SPECC1: variants seen among roughly 807,000 people sequenced by gnomAD.
The protein encoded by SPECC1 is sperm antigen with calponin homology and coiled-coil domains 1.
A neutral mutation model predicts 104.1 loss-of-function variants in SPECC1; 62 were observed. That is an observed-to-expected ratio of 0.60 (90% CI 0.49 to 0.74). SPECC1 has a LOEUF of 0.74. Ranked by LOEUF, SPECC1 falls within the 30% of genes least tolerant of loss-of-function variation. The probability of loss-of-function intolerance (pLI) is 0.00; values close to 1 mark genes in which losing one functional copy is unlikely to be tolerated. For missense variants in SPECC1, 1,306 were observed against 1,310.5 expected (o/e 1.00, Z 0.05); for synonymous variants, 513 against 501.6 (o/e 1.02, Z -0.30).
intron 1 of SPECC1, among the ~76,000 whole-genome samples, chr17:20,058,144 C>T (rs968566619): frequency 1.3e-5 from 2 of 152,102 alleles, no homozygotes; most frequent in Non-Finnish European, 2.9e-5. Context: ...CAGAAATGGT[C>T]TTTATCAGCC....
intron 13 of SPECC1, among the ~76,000 whole-genome samples, chr17:20,297,593 T>G (rs2041397933): frequency 1.3e-5 from 2 of 152,222 alleles, no homozygotes; most frequent in South Asian, 4.1e-4. Flanking sequence ...ATAGACTCAG[T>G]GGGTCAGGTG....
intron 3 of SPECC1, among the ~76,000 whole-genome samples, chr17:20,146,083 A>G (rs945057310): frequency 2.0e-5 from 3 of 152,194 alleles, no homozygotes; most frequent in Admixed American, 6.5e-5. Flanking sequence ...GTTATTAACT[A>G]AAGTCCATAG....
chr17:20,125,736 G>A (rs941179865), intron 3 of SPECC1, among the ~76,000 whole-genome samples: 21 of 152,152 alleles, frequency 1.4e-4, no homozygotes, highest in African/African-American at 4.6e-4. Context: ...ATATTCGATC[G>A]TCTGGATAGC....
At chr17:20,247,012 T>C (rs1177788803) in intron 8 of SPECC1, among the ~76,000 whole-genome samples, 1 of 152,216 alleles carries the variant, frequency 6.6e-6, no homozygotes, top group Non-Finnish European at 1.5e-5. Context: ...ATCCTTCATC[T>C]AAGACTGACC....
intron 3 of SPECC1, among the ~76,000 whole-genome samples, chr17:20,197,450 C>T (rs2036110620): frequency 6.6e-6 from 1 of 152,240 alleles, no homozygotes; most frequent in South Asian, 2.1e-4. Flanking sequence ...GGAATCAAAC[C>T]CGAACTGCTA....
chr17:20,061,460 G>A (rs1401658213), intron 1 of SPECC1, among the ~76,000 whole-genome samples: 2 of 152,208 alleles, frequency 1.3e-5, no homozygotes, highest in African/African-American at 4.8e-5. Flanking sequence ...CAGGTTGTAT[G>A]TACATTGGGC....
rs146257103 is a variant in SPECC1 at position 20,285,843 on chromosome 17, C to T, written c.2941-11118C>T. On this transcript the variant is annotated intron_variant, in intron 12 of 14. Transcript: ENST00000395527. The stretch of plus-strand genomic sequence containing the variant: ...CCTTTTTTTTTTTTTGATAGGGTCT[C>T]GCTCTACCACCCAGGTTGGAGTGAA... 3.9e-3 allele frequency among the ~76,000 whole-genome samples: 553 copies of T among 141,934 alleles called. 4 individuals carry two copies. The highest frequency in any genetic ancestry group is 0.014 in the African/African-American group (535 of 37,588). 93.1% of individuals were successfully genotyped at this position (141,934 alleles called of 152,430 possible).
At chr17:20,021,858 A>G (rs1295027296) in intron 1 of SPECC1, among the ~76,000 whole-genome samples, 4 of 146,886 alleles carry the variant, frequency 2.7e-5, no homozygotes, top group Non-Finnish European at 6.0e-5. Context: ...TGATCTTTGC[A>G]TGCGCTTGGC....
chr17:20,077,427 C>T (rs1041403059), intron 1 of SPECC1, among the ~76,000 whole-genome samples: 3 of 151,998 alleles, frequency 2.0e-5, no homozygotes, highest in Non-Finnish European at 2.9e-5. Flanking sequence ...ACGCCATTAT[C>T]GCACTGTGAT....
At chr17:20,246,188 T>G in intron 8 of SPECC1, 117 bp downstream of exon 8, 1 of 1,271,272 alleles carries the variant, frequency 7.9e-7, no homozygotes, top group Non-Finnish European at 1.1e-6. Flanking sequence ...ACAAGGGCGC[T>G]TTCCAGGTCC....
At position 20,257,547 on chromosome 17, in the gene SPECC1, T is replaced by C. The variant is rs983748124; in HGVS notation, c.2777T>C (p.Phe926Ser). ...CTGAGCAGACCCCCGTCTCTGGGCT[T>C]TGGGGACACAAGACTGCTGAGTGCT... ...ESLSRPPSLG[F>S]GDTRLLSAST... is the part of the protein sequence containing the mutation. Residue 926 changes from phenylalanine to serine, a missense_variant, in exon 11 of 15, where the codon TTT becomes TCT. Phe to Ser is a radical substitution (Grantham distance 155). Transcript: ENST00000395527. 2.5e-6 allele frequency: 4 copies of C among 1,613,608 alleles called. No homozygotes were observed. Among genetic ancestry groups the C allele is most frequent in the African/African-American group, 1.3e-5 (1 of 74,976 alleles).
chr17:20,236,888 A>G (rs1355567517), intron 7 of SPECC1: 6 of 1,613,802 alleles, frequency 3.7e-6, no homozygotes, highest in Admixed American at 3.3e-5. Flanking sequence ...CTAGCAGAGC[A>G]TTTGGTGGAA....
At chr17:20,054,229 A>G (rs1427484397) in intron 1 of SPECC1, among the ~76,000 whole-genome samples, 1 of 152,166 alleles carries the variant, frequency 6.6e-6, no homozygotes, top group African/African-American at 2.4e-5. Flanking sequence ...AATTGTCCCC[A>G]TTGACTAGAG....
intron 7 of SPECC1, among the ~76,000 whole-genome samples, chr17:20,234,165 G>GT (rs1296871177): frequency 2.0e-5 from 3 of 151,964 alleles, no homozygotes; most frequent in Admixed American, 6.5e-5. Context: ...TTAACGTCAC[G>GT]TTTTTTTTTA....
intron 13 of SPECC1, among the ~76,000 whole-genome samples, chr17:20,298,280 A>AGGCAGATC (rs1423867748): frequency 6.6e-6 from 1 of 152,058 alleles, no homozygotes; most frequent in African/African-American, 2.4e-5. Context: ...TGAACCTGGG[A>AGGCAGATC]GGCAGATCGC....
intron 3 of SPECC1, among the ~76,000 whole-genome samples, chr17:20,156,933 G>A (rs928696906): frequency 1.3e-5 from 2 of 152,138 alleles, no homozygotes; most frequent in African/African-American, 4.8e-5. Flanking sequence ...CCTGAAAAAT[G>A]GCATCTTGGC....
At chr17:20,150,205 G>C (rs545669096) in intron 3 of SPECC1, among the ~76,000 whole-genome samples, 4 of 151,200 alleles carry the variant, frequency 2.6e-5, no homozygotes, top group Admixed American at 6.6e-5. Context: ...GGATGGTCTC[G>C]ATCTCCTGAC....
chr17:20,209,900 A>G (rs1262849607), intron 4 of SPECC1, among the ~76,000 whole-genome samples: 2 of 152,214 alleles, frequency 1.3e-5, no homozygotes, highest in African/African-American at 4.8e-5. Context: ...AAAATTATCT[A>G]TTTATTCCCG....
At chr17:20,142,790 T>A (rs1288017673) in intron 3 of SPECC1, among the ~76,000 whole-genome samples, 1 of 150,100 alleles carries the variant, frequency 6.7e-6, no homozygotes, top group Non-Finnish European at 1.5e-5. Flanking sequence ...ATAGTTGAGA[T>A]GCCAGCCTGG....
Sources: gnomAD v4.1 joint callset for allele counts (sites outside exome capture counted in the v4.1 genomes callset) on GRCh38, gnomAD v4.1.1 for gene constraint, MANE v1.5 for transcripts, NCBI Gene and HGNC (gene_info 2026-07-23, HGNC 2026-07-21) for gene names.